OR2A14: variants seen among roughly 807,000 people sequenced by gnomAD.
OR2A14 encodes the protein olfactory receptor family 2 subfamily A member 14.
OR2A14 carries 2 observed loss-of-function variants against 2.4 expected under a neutral mutation model. The ratio of observed to expected loss-of-function variants is 0.85; its 90% CI spans 0.35 to 2.67. OR2A14 has a LOEUF of 2.67. Among genes scored for constraint, OR2A14 ranks in the 30% most tolerant of loss-of-function variants. The pLI, the probability that OR2A14 is intolerant of heterozygous loss-of-function variation, is 0.10. For synonymous variants in OR2A14, 160 were observed against 156.3 expected (o/e 1.02, Z -0.18); for missense variants, 390 against 379.4 (o/e 1.03, Z -0.23).
chr7:144,129,204 C>T lies in OR2A14; in HGVS notation c.92C>T (p.Ser31Phe), dbSNP rs1213802198. ...ALEILLCGLF[S>F]AFYTLTLLGN... ...GAGATTCTCCTCTGTGGACTTTTCT[C>T]TGCCTTCTATACACTCACCCTGCTG... Residue 31 changes from serine (S) to phenylalanine (F), a missense_variant, in exon 2 of 2, where the codon TCT becomes TTT. Coordinates refer to ENST00000641068, the MANE Select transcript of OR2A14 (RefSeq NM_001001659.3). 22 of 1,614,014 alleles carry T rather than the reference C, an allele frequency of 1.4e-5. No individual in the cohort carries two copies. Among genetic ancestry groups the T allele is most frequent in the Non-Finnish European group, 1.9e-5 (22 of 1,180,006 alleles).
intron 1 of OR2A14, among the ~76,000 whole-genome samples, chr7:144,127,986 A>G (rs1341672362): frequency 2.0e-5 from 3 of 152,176 alleles, no homozygotes; most frequent in Non-Finnish European, 4.4e-5. Flanking sequence ...GCTGCACCTG[A>G]TCCCATCCCC....
Position 144,129,377 on chromosome 7 carries a change from A to G in OR2A14, c.265A>G (p.Ser89Gly). 1 of 1,614,218 alleles carries G rather than the reference A, an allele frequency of 6.2e-7. No individual in the cohort carries two copies. Among genetic ancestry groups the G allele is most frequent in the Non-Finnish European group, 8.5e-7 (1 of 1,180,036 alleles). Residue 89 changes from serine to glycine, a missense_variant, in exon 2 of 2, where the codon AGC (serine) becomes GGC (glycine). Ser to Gly is a moderately conservative substitution (Grantham distance 56). Coordinates refer to ENST00000641068, the MANE Select transcript of OR2A14 (RefSeq NM_001001659.3). ...KMLTNLMNQESTISFFPCIMQ... is the reference protein window; with the variant it reads ...KMLTNLMNQEGTISFFPCIMQ... ...GCTGACGAATCTTATGAACCAGGAA[A>G]GCACCATCTCCTTTTTTCCATGCAT...
intron 1 of OR2A14, among the ~76,000 whole-genome samples, chr7:144,124,241 T>A (rs2051465926): frequency 6.6e-6 from 1 of 152,080 alleles, no homozygotes; most frequent in South Asian, 2.1e-4. Flanking sequence ...GGCAGGCAGA[T>A]CACCTGAGGT....
intron 1 of OR2A14, among the ~76,000 whole-genome samples, chr7:144,128,696 C>T (rs1028971589): frequency 3.3e-5 from 5 of 152,178 alleles, no homozygotes; most frequent in Non-Finnish European, 5.9e-5. Flanking sequence ...GTGAAACCAC[C>T]TCATAATGCA....
chr7:144,125,040 C>G (rs1056522073), intron 1 of OR2A14, among the ~76,000 whole-genome samples: 3 of 152,172 alleles, frequency 2.0e-5, no homozygotes, highest in Non-Finnish European at 4.4e-5. Flanking sequence ...TCATTAGTAA[C>G]AGCTGACATT....
intron 1 of OR2A14, among the ~76,000 whole-genome samples, chr7:144,128,697 T>C (rs957614302): frequency 1.8e-4 from 28 of 152,134 alleles, no homozygotes; most frequent in African/African-American, 6.8e-4. Flanking sequence ...TGAAACCACC[T>C]CATAATGCAA....
chr7:144,129,409 G>T lies in OR2A14; in HGVS notation c.297G>T (p.Gln99His). 1.2e-6 allele frequency: 2 copies of T among 1,614,178 alleles called. No individual in the cohort carries two copies. Among genetic ancestry groups the T allele is most frequent in the Non-Finnish European group, 1.7e-6 (2 of 1,180,012 alleles). The change falls in exon 2 of 2, where the codon CAG (glutamine) becomes CAT (histidine). Residue 99 changes from glutamine (Q) to histidine (H), a missense_variant. Physicochemically the swap from Gln to His is conservative, Grantham distance 24 (BLOSUM62 0). Transcript: ENST00000641068. ...TCTCCTTTTTTCCATGCATAATGCA[G>T]ACATTCTTGTATTTGGCTTTTGCTC... ...STISFFPCIM[Q>H]TFLYLAFAHV...
chr7:144,128,705 C>T (rs1415353237), intron 1 of OR2A14, among the ~76,000 whole-genome samples: 1 of 152,136 alleles, frequency 6.6e-6, no homozygotes, highest in Non-Finnish European at 1.5e-5. Flanking sequence ...CCTCATAATG[C>T]AACATTTGTC....
rs767447429 is a variant in OR2A14, at chr7:144,129,255, T to C, written c.143T>C (p.Ile48Thr). Residue 48 changes from isoleucine (I) to threonine (T), a missense_variant, in exon 2 of 2, where the codon ATC (isoleucine) becomes ACC (threonine). Coordinates refer to ENST00000641068, the MANE Select transcript of OR2A14 (RefSeq NM_001001659.3). ...LLGNGVIFGI[I>T]CLDCKLHTPM... ...GGGAATGGGGTCATCTTTGGGATTATCTGCCTGGACTGTAAGCTTCACACA... is the reference window on the plus strand; with the variant it reads ...GGGAATGGGGTCATCTTTGGGATTACCTGCCTGGACTGTAAGCTTCACACA... The C allele has an allele frequency of 6.2e-7, 1 of 1,614,218 alleles. No individual in the cohort carries two copies. Among genetic ancestry groups the C allele is most frequent in the Non-Finnish European group, 8.5e-7 (1 of 1,180,042 alleles).
intron 1 of OR2A14, among the ~76,000 whole-genome samples, chr7:144,127,997 A>G (rs1001664337): frequency 1.3e-5 from 2 of 152,112 alleles, no homozygotes; most frequent in Admixed American, 1.3e-4. Context: ...TCCCATCCCC[A>G]TCACATGCTC....
At chr7:144,128,215 T>C (rs964017447) in intron 1 of OR2A14, among the ~76,000 whole-genome samples, 27 of 152,210 alleles carry the variant, frequency 1.8e-4, no homozygotes, top group African/African-American at 6.5e-4. Context: ...AAAATACAAT[T>C]ACGATACAGC....
At chr7:144,123,833 CTGT>C (rs563877988) in intron 1 of OR2A14, among the ~76,000 whole-genome samples, 1 of 151,846 alleles carries the variant, frequency 6.6e-6, no homozygotes, top group Non-Finnish European at 1.5e-5. Flanking sequence ...AAGCCAGTGC[CTGT>C]CAGGGTACAG....
intron 1 of OR2A14, among the ~76,000 whole-genome samples, chr7:144,128,164 G>A (rs1309374543): frequency 6.6e-6 from 1 of 152,190 alleles, no homozygotes; most frequent in African/African-American, 2.4e-5. Flanking sequence ...AGCTCTGAGA[G>A]ATGTCAACAT....
intron 1 of OR2A14, among the ~76,000 whole-genome samples, chr7:144,127,750 A>T (rs147861419): frequency 1.3e-4 from 20 of 152,312 alleles, no homozygotes; most frequent in African/African-American, 3.8e-4. Flanking sequence ...TTGTTTTTTT[A>T]AAAGTATCCT....
intron 1 of OR2A14, among the ~76,000 whole-genome samples, chr7:144,126,198 A>C (rs759106214): frequency 2.6e-5 from 4 of 152,258 alleles, no homozygotes; most frequent in Non-Finnish European, 5.9e-5. Context: ...AGTTCTGTAC[A>C]TACATATCTT....
intron 1 of OR2A14, among the ~76,000 whole-genome samples, chr7:144,126,687 T>C (rs1002598657): frequency 6.6e-6 from 1 of 152,154 alleles, no homozygotes; most frequent in Non-Finnish European, 1.5e-5. Context: ...TTTACAGTGG[T>C]AATGAATCAT....
At position 144,129,923 on chromosome 7, in the gene OR2A14, A is replaced by G; in HGVS notation, c.811A>G (p.Lys271Glu). 2 of 1,614,160 alleles carry G rather than the reference A, an allele frequency of 1.2e-6. No individual in the cohort carries two copies. Among genetic ancestry groups the G allele is most frequent in the South Asian group, 2.2e-5 (2 of 91,080 alleles). The change falls in exon 2 of 2, where the codon AAA (lysine) becomes GAA (glutamate). Residue 271 changes from lysine (K) to glutamate (E), a missense_variant. Transcript: ENST00000641068. The stretch of plus-strand genomic sequence containing the variant: ...GTCCCGCCATCCTGAGGAGCAGCAG[A>G]AAGTTCTTTCCCTGTTTTACAGCCT... The part of the protein sequence containing the change: ...PKSRHPEEQQ[K>E]VLSLFYSLFN...
rs750760277 is a variant in OR2A14 at position 144,129,528 on chromosome 7, T to A, written c.416T>A (p.Val139Glu). 1.9e-6 allele frequency: 3 copies of A among 1,613,890 alleles called. No homozygotes were observed. The highest frequency in any genetic ancestry group is 2.2e-5 in the East Asian group (1 of 44,862). Residue 139 changes from valine to glutamate, a missense_variant, in exon 2 of 2, where the codon GTG becomes GAG. Physicochemically the swap from Val to Glu is moderately radical, Grantham distance 121. Coordinates refer to ENST00000641068, the MANE Select transcript of OR2A14 (RefSeq NM_001001659.3). ...TACAATAGCCTCATGAGCTGGAGAGTGTGCACTGTCCTGGCTGTGGCTTCC... is the reference window on the plus strand; with the variant it reads ...TACAATAGCCTCATGAGCTGGAGAGAGTGCACTGTCCTGGCTGTGGCTTCC... ...LRYNSLMSWRVCTVLAVASWV... is the reference protein window; with the variant it reads ...LRYNSLMSWRECTVLAVASWV...
chr7:144,125,233 T>C (rs2051474076), intron 1 of OR2A14, among the ~76,000 whole-genome samples: 1 of 152,220 alleles, frequency 6.6e-6, no homozygotes, highest in South Asian at 2.1e-4. Context: ...GTTACTCCTG[T>C]TGCTTTCATT....
Sources: allele counts gnomAD v4.1 joint callset (sites outside exome capture counted in the v4.1 genomes callset), GRCh38; gene constraint gnomAD v4.1.1; transcripts MANE v1.5; gene names NCBI Gene and HGNC (gene_info 2026-07-23, HGNC 2026-07-21).